Variants in DEUP1 observed in about 807,000 individuals in gnomAD.
DEUP1 encodes deuterosome assembly protein 1.
DEUP1 carries 82 observed loss-of-function variants against 87.4 expected under a neutral mutation model. The ratio of observed to expected loss-of-function variants is 0.94; its 90% CI spans 0.78 to 1.13. The LOEUF is 1.13. Among genes scored for constraint, DEUP1 ranks in the 50% most tolerant of loss-of-function variants. The pLI is 0.00. For missense variants in DEUP1, 663 were observed against 681.5 expected (o/e 0.97, Z 0.30); for synonymous variants, 214 against 222.7 (o/e 0.96, Z 0.35).
chr11:93,429,942 G>A (rs1948052204), intron 13 of DEUP1, among the ~76,000 whole-genome samples: 1 of 152,130 alleles, frequency 6.6e-6, no homozygotes, highest in Admixed American at 6.6e-5. Flanking sequence ...GGAAGCCACT[G>A]TTCTAGGTCT....
At chr11:93,360,018 T>G (rs79922819) in intron 4 of DEUP1, among the ~76,000 whole-genome samples, 252 of 152,250 alleles carry the variant, frequency 1.7e-3, no homozygotes, top group African/African-American at 5.8e-3. Flanking sequence ...TCTCCCTGTC[T>G]ACTCTCGGGT....
At position 93,408,406 on chromosome 11, in the gene DEUP1, A is replaced by T. The variant is rs1167908181; in HGVS notation, c.1502A>T (p.Lys501Ile). 6.4e-7 allele frequency: 1 copy of T among 1,558,420 alleles called. No homozygotes were observed. The highest frequency in any genetic ancestry group is 1.2e-5 in the South Asian group (1 of 83,460). Reference sequence around the variant, plus strand: ...AGATATGCCTATCAAAGCCAAATAAAAGTGGAACAAAATGAAGAGAGGTAT... The same window carrying T: ...AGATATGCCTATCAAAGCCAAATAATAGTGGAACAAAATGAAGAGAGGTAT... ...TGRYAYQSQI[K>I]VEQNEERLSH... Residue 501 changes from lysine (K) to isoleucine (I), a missense_variant, in exon 12 of 14, where the codon AAA becomes ATA. Transcript: ENST00000298050.
intron 9 of DEUP1, among the ~76,000 whole-genome samples, chr11:93,393,946 T>C (rs57235399): frequency 0.035 from 5,275 of 152,214 alleles, 129 homozygotes; most frequent in African/African-American, 0.065. Context: ...AGTGATGAGT[T>C]TTCATGAAGA....
intron 11 of DEUP1, among the ~76,000 whole-genome samples, chr11:93,399,874 T>C (rs1196364700): frequency 6.6e-6 from 1 of 151,974 alleles, no homozygotes; most frequent in Non-Finnish European, 1.5e-5. Context: ...TAAATAATTA[T>C]AGTGCTTGCT....
At chr11:93,431,941 A>G (rs1005621393) in intron 13 of DEUP1, among the ~76,000 whole-genome samples, 1 of 152,220 alleles carries the variant, frequency 6.6e-6, no homozygotes, top group Non-Finnish European at 1.5e-5. Context: ...TTGGGCATAT[A>G]AGTTTAAAAT....
At chr11:93,380,566 A>G (rs75795223) in intron 7 of DEUP1, among the ~76,000 whole-genome samples, 1 of 147,166 alleles carries the variant, frequency 6.8e-6, no homozygotes, top group Non-Finnish European at 1.5e-5. Context: ...ATGCTCGGCT[A>G]TTTTTTTTTT....
At chr11:93,373,684 CATTG>C (rs1434690431) in intron 7 of DEUP1, among the ~76,000 whole-genome samples, 2 of 147,436 alleles carry the variant, frequency 1.4e-5, no homozygotes, top group East Asian at 2.0e-4. Context: ...TTTATCCACT[CATTG>C]ATTGATAGGC....
intron 13 of DEUP1, among the ~76,000 whole-genome samples, chr11:93,427,427 G>C (rs1947956762): frequency 1.3e-5 from 2 of 152,070 alleles, no homozygotes; most frequent in Non-Finnish European, 1.5e-5. Context: ...GCCATATGTA[G>C]AAAGCTGAAA....
intron 13 of DEUP1, among the ~76,000 whole-genome samples, chr11:93,419,506 C>G (rs933775955): frequency 6.6e-6 from 1 of 152,052 alleles, no homozygotes; most frequent in Non-Finnish European, 1.5e-5. Flanking sequence ...TTTTGCCTCC[C>G]CTGGTGCTGA....
rs750429060 is a variant in DEUP1 at position 93,385,483 on chromosome 11, A to G, written c.875A>G (p.Gln292Arg). The G allele has an allele frequency of 6.2e-7, 1 of 1,611,844 alleles. No individual in the cohort carries two copies. The part of the protein sequence containing the change: ...LLRIIEMERL[Q>R]LHRELLKIGE... ...AGAATTATAGAAATGGAACGATTGC[A>G]ATTACACAGAGAATTATTAAAAATA... Residue 292 changes from glutamine (Q) to arginine (R), a missense_variant, in exon 8 of 14, where the codon CAA becomes CGA. Gln to Arg is a conservative substitution (Grantham distance 43). Transcript: ENST00000298050.
At chr11:93,353,827 A>G (rs1028295130) in intron 2 of DEUP1, among the ~76,000 whole-genome samples, 5 of 152,022 alleles carry the variant, frequency 3.3e-5, no homozygotes, top group Non-Finnish European at 4.4e-5. Context: ...CGGCATGGGG[A>G]CCCTGGGCCT....
chr11:93,345,997 T>C (rs1309335371), intron 2 of DEUP1, among the ~76,000 whole-genome samples: 1 of 151,938 alleles, frequency 6.6e-6, no homozygotes, highest in Non-Finnish European at 1.5e-5. Flanking sequence ...GGGTTTTACA[T>C]TTAAGTCTTT....
rs1946875105 is a variant in DEUP1, at chr11:93,394,567, A to G, written c.1150A>G (p.Ile384Val). ...AGAGCTTCATCAGAAGGAGATCACT[A>G]TAGCAACTGTCACAAAGAAAGCTGC... ...TEELHQKEIT[I>V]ATVTKKAALL... The change falls in exon 10 of 14, where the codon ATA becomes GTA. Residue 384 changes from isoleucine (I) to valine (V), a missense_variant. Physicochemically the swap from Ile to Val is conservative, Grantham distance 29. Coordinates refer to ENST00000298050, the MANE Select transcript of DEUP1 (RefSeq NM_181645.4). The G allele has an allele frequency of 3.1e-6, 5 of 1,613,172 alleles. No homozygotes were observed. Among genetic ancestry groups the G allele is most frequent in the Non-Finnish European group, 3.4e-6 (4 of 1,179,604 alleles).
intron 13 of DEUP1, among the ~76,000 whole-genome samples, chr11:93,432,495 G>A (rs1318431135): frequency 6.6e-6 from 1 of 152,192 alleles, no homozygotes; most frequent in Non-Finnish European, 1.5e-5. Flanking sequence ...TGAATTTAAA[G>A]TGAAACTAGT....
chr11:93,371,810 A>G (rs926642870), intron 7 of DEUP1, among the ~76,000 whole-genome samples: 1 of 151,656 alleles, frequency 6.6e-6, no homozygotes, highest in South Asian at 2.1e-4. Flanking sequence ...ACAAGCATTA[A>G]TTTTTTTTCT....
At chr11:93,335,313 G>A (rs1943700522) in intron 2 of DEUP1, among the ~76,000 whole-genome samples, 1 of 152,114 alleles carries the variant, frequency 6.6e-6, no homozygotes, top group South Asian at 2.1e-4. Flanking sequence ...GTCTATTGCA[G>A]GATCAACTTT....
chr11:93,390,878 T>TC (rs1259808772), intron 9 of DEUP1, among the ~76,000 whole-genome samples: 2 of 152,078 alleles, frequency 1.3e-5, no homozygotes, highest in African/African-American at 4.8e-5. Context: ...GGTCAGGAGT[T>TC]TGAGACCAGC....
At chr11:93,346,355 C>T (rs538875504) in intron 2 of DEUP1, among the ~76,000 whole-genome samples, 16 of 152,336 alleles carry the variant, frequency 1.1e-4, no homozygotes, top group African/African-American at 3.1e-4. Flanking sequence ...TCCCCAGTAA[C>T]TGGGACTACA....
At chr11:93,375,034 C>CTTTTTT (rs60565734) in intron 7 of DEUP1, among the ~76,000 whole-genome samples, 1 of 126,592 alleles carries the variant, frequency 7.9e-6, no homozygotes. Context: ...TTTTTCTTTT[C>CTTTTTT]TTTTTTTTTT....
Sources: allele counts gnomAD v4.1 joint callset (sites outside exome capture counted in the v4.1 genomes callset), GRCh38; gene constraint gnomAD v4.1.1; transcripts MANE v1.5; gene names NCBI Gene and HGNC (gene_info 2026-07-23, HGNC 2026-07-21).